Variants in HHAT observed in about 807,000 individuals in gnomAD.
HHAT encodes hedgehog acyltransferase.
HHAT carries 47 observed loss-of-function variants against 70.8 expected under a neutral mutation model. The ratio of observed to expected loss-of-function variants is 0.66; its 90% CI spans 0.53 to 0.85. HHAT has a LOEUF of 0.85. HHAT is among the 40% of genes least tolerant of loss of function. The pLI, the probability that HHAT is intolerant of heterozygous loss-of-function variation, is 0.00. For missense variants in HHAT, 609 were observed against 604.8 expected (o/e 1.01, Z -0.07); for synonymous variants, 228 against 247.6 (o/e 0.92, Z 0.74).
intron 9 of HHAT, among the ~76,000 whole-genome samples, chr1:210,548,207 A>G (rs957249054): frequency 6.6e-6 from 1 of 152,152 alleles, no homozygotes; most frequent in Admixed American, 6.5e-5. Context: ...ACCGAAGAAC[A>G]CCTAGGAAAA....
intron 7 of HHAT, among the ~76,000 whole-genome samples, chr1:210,452,837 G>A (rs1301539596): frequency 6.6e-6 from 1 of 152,184 alleles, no homozygotes; most frequent in African/African-American, 2.4e-5. Flanking sequence ...GAGAGTGAGC[G>A]AGGAGATAGA....
intron 9 of HHAT, among the ~76,000 whole-genome samples, chr1:210,557,509 C>T (rs1022293307): frequency 6.6e-6 from 1 of 152,156 alleles, no homozygotes; most frequent in African/African-American, 2.4e-5. Context: ...AGTCTGTTTT[C>T]ACACTGCTGA....
chr1:210,501,306 TCTC>T (rs1268394157), intron 8 of HHAT, among the ~76,000 whole-genome samples: 1 of 152,224 alleles, frequency 6.6e-6, no homozygotes, highest in Non-Finnish European at 1.5e-5. Flanking sequence ...ATGCTTGAAA[TCTC>T]CTGGCACATC....
At chr1:210,539,053 C>T (rs1312875201) in intron 9 of HHAT, among the ~76,000 whole-genome samples, 1 of 151,994 alleles carries the variant, frequency 6.6e-6, no homozygotes, top group African/African-American at 2.4e-5. Context: ...CTCCAGCCTG[C>T]GTGACAGAGG....
chr1:210,331,222 G>A (rs1489434260), intron 1 of HHAT, among the ~76,000 whole-genome samples: 1 of 151,804 alleles, frequency 6.6e-6, no homozygotes, highest in African/African-American at 2.4e-5. Flanking sequence ...CCCTGAGCTT[G>A]TTTTTCTGCA....
intron 10 of HHAT, among the ~76,000 whole-genome samples, chr1:210,622,678 T>G (rs1405455616): frequency 6.6e-6 from 1 of 152,206 alleles, no homozygotes; most frequent in African/African-American, 2.4e-5. Flanking sequence ...GGGTGAAGTG[T>G]GGGCCTGAGC....
At chr1:210,515,272 C>T (rs1406463429) in intron 9 of HHAT, among the ~76,000 whole-genome samples, 1 of 152,212 alleles carries the variant, frequency 6.6e-6, no homozygotes, top group Non-Finnish European at 1.5e-5. Flanking sequence ...TCTCCCATCA[C>T]ATGACAGTGC....
At position 210,362,888 on chromosome 1, in the gene HHAT, A is replaced by G; in HGVS notation, c.128A>G (p.Glu43Gly). The G allele has an allele frequency of 6.2e-7, 1 of 1,613,810 alleles. No homozygotes were observed. Among genetic ancestry groups the G allele is most frequent in the Non-Finnish European group, 8.5e-7 (1 of 1,179,780 alleles). The change falls in exon 3 of 12, where the codon GAG (glutamate) becomes GGG (glycine). Residue 43 changes from glutamate (E) to glycine (G), a missense_variant. By Grantham distance (98) the Glu-to-Gly change is moderately conservative (BLOSUM62 -2). Coordinates refer to ENST00000261458, the MANE Select transcript of HHAT (RefSeq NM_018194.6). ...EEELDQEFEL[E>G]TDTLFGGLKK... Reference sequence around the variant, plus strand: ...GAGCTGGACCAGGAATTTGAGCTGGAGACTGACACTTTATTTGGAGGATTA... The same window carrying G: ...GAGCTGGACCAGGAATTTGAGCTGGGGACTGACACTTTATTTGGAGGATTA...
chr1:210,473,663 A>G (rs1449598004), intron 8 of HHAT, among the ~76,000 whole-genome samples: 3 of 152,130 alleles, frequency 2.0e-5, no homozygotes, highest in Admixed American at 6.5e-5. Context: ...GCTGCCCACA[A>G]AGACTTAATT....
chr1:210,606,456 CAGAT>C (rs2148830951), intron 10 of HHAT, among the ~76,000 whole-genome samples: 1 of 151,228 alleles, frequency 6.6e-6, no homozygotes, highest in African/African-American at 2.4e-5. Context: ...GAAAATCTCT[CAGAT>C]AGAATTTTCC....
intron 8 of HHAT, among the ~76,000 whole-genome samples, chr1:210,473,792 T>C (rs545614880): frequency 1.3e-5 from 2 of 152,082 alleles, no homozygotes; most frequent in South Asian, 2.1e-4. Context: ...TCCTCCTTGC[T>C]AATGAAAAAA....
chr1:210,327,388 C>T (rs1361413537), upstream of HHAT, among the ~76,000 whole-genome samples: 1 of 149,548 alleles, frequency 6.7e-6, no homozygotes, highest in Non-Finnish European at 1.5e-5. Context: ...CTACTCACCT[C>T]GACCTCCCAA....
At chr1:210,388,235 AG>A (rs2091223345) in intron 4 of HHAT, among the ~76,000 whole-genome samples, 1 of 152,194 alleles carries the variant, frequency 6.6e-6, no homozygotes, top group South Asian at 2.1e-4. Flanking sequence ...TGGAGGAAAA[AG>A]TCTGTGCTTG....
At chr1:210,485,383 A>G (rs568562379) in intron 8 of HHAT, among the ~76,000 whole-genome samples, 2 of 152,276 alleles carry the variant, frequency 1.3e-5, no homozygotes, top group African/African-American at 4.8e-5. Context: ...TCAAAGCTAT[A>G]GCCTTCTTTC....
chr1:210,610,178 A>G (rs1225066744), intron 10 of HHAT, among the ~76,000 whole-genome samples: 2 of 152,170 alleles, frequency 1.3e-5, no homozygotes, highest in Non-Finnish European at 2.9e-5. Flanking sequence ...CCACCTTGCC[A>G]GCATCTGTTC....
intron 11 of HHAT, among the ~76,000 whole-genome samples, chr1:210,639,621 T>A (rs1342668831): frequency 1.3e-5 from 2 of 152,198 alleles, no homozygotes; most frequent in South Asian, 4.1e-4. Context: ...CAGTGTTAAA[T>A]GTGCATGACA....
At chr1:210,458,936 G>T (rs929308789) in intron 7 of HHAT, among the ~76,000 whole-genome samples, 1 of 152,152 alleles carries the variant, frequency 6.6e-6, no homozygotes, top group African/African-American at 2.4e-5. Flanking sequence ...TTCTAGGGGA[G>T]CTAGTTGGGA....
chr1:210,540,677 G>C (rs574048223), intron 9 of HHAT, among the ~76,000 whole-genome samples: 14 of 151,528 alleles, frequency 9.2e-5, no homozygotes, highest in African/African-American at 3.4e-4. Context: ...ACATTGTCCA[G>C]GTTGGAGTGC....
At chr1:210,473,370 C>A (rs551894476) in intron 8 of HHAT, among the ~76,000 whole-genome samples, 4 of 152,260 alleles carry the variant, frequency 2.6e-5, no homozygotes, top group African/African-American at 9.6e-5. Context: ...ACCCCTTCTT[C>A]CCATGATGGC....
Sources: allele counts gnomAD v4.1 joint callset (sites outside exome capture counted in the v4.1 genomes callset), GRCh38; gene constraint gnomAD v4.1.1; transcripts MANE v1.5; gene names NCBI Gene and HGNC (gene_info 2026-07-23, HGNC 2026-07-21).